Variants in FADS2 observed in about 807,000 individuals in gnomAD.
FADS2 encodes acyl-CoA 6-desaturase.
A neutral mutation model predicts 61.2 loss-of-function variants in FADS2; 18 were observed. The ratio of observed to expected loss-of-function variants is 0.29; its 90% CI spans 0.20 to 0.44. The LOEUF is 0.44. FADS2 is among the 20% of genes least tolerant of loss of function. The pLI is 1.00. For synonymous variants in FADS2, 203 were observed against 223.9 expected (o/e 0.91, Z 0.83); for missense variants, 322 against 572.7 (o/e 0.56, Z 4.47).
chr11:61,824,495 A>AG, upstream of FADS2, among the ~76,000 whole-genome samples: 1 of 8,842 alleles, frequency 1.1e-4, no homozygotes, highest in Non-Finnish European at 8.5e-4. Flanking sequence ...AGAGAGAAAG[A>AG]AAGAAAGGAA....
At chr11:61,819,116 T>G (rs1004370015) in intron 1 of FADS2, among the ~76,000 whole-genome samples, 1 of 152,096 alleles carries the variant, frequency 6.6e-6, no homozygotes, top group Non-Finnish European at 1.5e-5. Flanking sequence ...CCTCGTGATC[T>G]GCCCGCCTCG....
chr11:61,847,885 C>T (rs746562108), intron 4 of FADS2: 14 of 411,280 alleles, frequency 3.4e-5, no homozygotes, highest in Admixed American at 7.1e-5. Context: ...GAGCGCTCAC[C>T]GTGTGGTCCC....
At chr11:61,853,024 A>G (rs1031070111) in intron 5 of FADS2, among the ~76,000 whole-genome samples, 4 of 152,110 alleles carry the variant, frequency 2.6e-5, no homozygotes, top group African/African-American at 4.8e-5. Flanking sequence ...GCATGGTGGC[A>G]CACGCCTGTA....
intron 7 of FADS2, 57 bp from the exon 8 acceptor site, chr11:61,862,915 C>T: frequency 2.1e-6 from 3 of 1,421,440 alleles, no homozygotes; most frequent in Non-Finnish European, 3.0e-6. Flanking sequence ...GGGGCACGCA[C>T]TTGGTGCCAG....
upstream of FADS2, among the ~76,000 whole-genome samples, chr11:61,825,069 G>C (rs886609528): frequency 2.6e-5 from 4 of 151,616 alleles, no homozygotes; most frequent in African/African-American, 9.7e-5. Context: ...CACCCACCAC[G>C]GCCTCCTAAA....
In FADS2 at chr11:61,816,876, C is replaced by T. The variant is rs747092937; in HGVS notation, c.141+450C>T. On this transcript the variant is annotated intron_variant, in intron 1 of 11. Transcript: ENST00000257261. This position sits in a 1 kb window ranked among gnomAD's most constrained non-coding sequence, Gnocchi z 7.0. ...CGCCCAGAGCCAGCCGCCTGCGCGC[C>T]GGGTTTTCAGCACCGCAGGGCAGAC... The T allele has an allele frequency of 2.2e-5, 32 of 1,476,878 alleles. 1 individual carries two copies. In the South Asian group the frequency reaches 2.3e-4, roughly 11 times the overall value. The allele number at this position is 1,476,878 out of a possible 1,614,324, so 91.5% of individuals were successfully genotyped here.
chr11:61,818,465 T>G (rs528965694), intron 1 of FADS2, among the ~76,000 whole-genome samples: 12 of 152,312 alleles, frequency 7.9e-5, no homozygotes, highest in African/African-American at 2.6e-4. Flanking sequence ...ATCAAGCAGT[T>G]TCACTCTTGG....
In FADS2 at chr11:61,865,793, C is replaced by A; in HGVS notation, c.*104C>A. On this transcript the variant is annotated 3_prime_UTR_variant, in exon 12 of 12. Coordinates refer to ENST00000278840, the MANE Select transcript of FADS2 (RefSeq NM_004265.4). The surrounding 1 kb of genome is among the most constrained non-coding windows in gnomAD (Gnocchi z 4.1). Reference sequence around the variant, plus strand: ...GGGGTGTCCGAGAGGCTGGTGTATGCACTGCTCACGGACCCCATGTTGGAT... The same window carrying A: ...GGGGTGTCCGAGAGGCTGGTGTATGAACTGCTCACGGACCCCATGTTGGAT... 2.1e-6 allele frequency: 2 copies of A among 937,602 alleles called. No individual in the cohort carries two copies. The highest frequency in any genetic ancestry group is 1.4e-5 in the South Asian group (1 of 69,338). The allele number at this position is 937,602 out of a possible 1,614,324, so 58.1% of individuals were successfully genotyped here.
At chr11:61,840,815 T>C (rs1453420507) in intron 4 of FADS2, 90 bp downstream of exon 4, 2 of 1,001,134 alleles carry the variant, frequency 2.0e-6, no homozygotes, top group East Asian at 4.8e-5. Flanking sequence ...GCTCTGAGGC[T>C]ACAGGGTGAC....
intron 5 of FADS2, chr11:61,848,606 T>A: frequency 3.5e-6 from 1 of 282,554 alleles, no homozygotes; most frequent in Non-Finnish European, 6.8e-6. Flanking sequence ...CAGACACAGC[T>A]CCTCATTAGA....
chr11:61,825,280 C>G (rs1363586895), upstream of FADS2, among the ~76,000 whole-genome samples: 3 of 152,156 alleles, frequency 2.0e-5, no homozygotes, highest in African/African-American at 7.2e-5. Flanking sequence ...ACCATCACCC[C>G]TGCCCCTGTA....
chr11:61,838,306 C>G (rs995357382), intron 2 of FADS2, among the ~76,000 whole-genome samples: 4 of 152,070 alleles, frequency 2.6e-5, no homozygotes, highest in African/African-American at 9.7e-5. Flanking sequence ...CAGACGCCCC[C>G]CTGGGTGCTG....
chr11:61,824,425 A>G (rs2067055913), upstream of FADS2, among the ~76,000 whole-genome samples: 1 of 11,486 alleles, frequency 8.7e-5, no homozygotes, highest in African/African-American at 1.7e-4. Context: ...AGAGAGAGAG[A>G]GAGAGAGAGG....
chr11:61,857,140 C>T, intron 6 of FADS2, 69 bp downstream of exon 6: 3 of 1,279,394 alleles, frequency 2.3e-6, no homozygotes, highest in Non-Finnish European at 3.4e-6. Context: ...GTCTCTCCCT[C>T]CTACCTGACA....
upstream of FADS2, among the ~76,000 whole-genome samples, chr11:61,824,240 G>C (rs964873078): frequency 7.3e-5 from 11 of 151,674 alleles, no homozygotes; most frequent in African/African-American, 1.9e-4. Flanking sequence ...AATTAGCTGG[G>C]TGTGGTGGCA....
At chr11:61,845,784 CA>C (rs548433908) in intron 4 of FADS2, among the ~76,000 whole-genome samples, 2,802 of 84,074 alleles carry the variant, frequency 0.033, 58 homozygotes, top group African/African-American at 0.079. Flanking sequence ...AACTCTGTCT[CA>C]AAAAAAAAAA....
chr11:61,840,345 T>C lies in FADS2; in HGVS notation c.330T>C (p.Thr110=), dbSNP rs147545791. Residue 110 remains threonine, a synonymous_variant, in exon 3 of 12, where the codon ACT becomes ACC. Coordinates refer to ENST00000278840, the MANE Select transcript of FADS2 (RefSeq NM_004265.4). ...SQDHGKNSKI[T]EDFRALRKTA... ...CTCTTGGTCAACAGTCAAAGATCAC[T>C]GAGGACTTCCGGGCCCTGAGGAAGA... 1.9e-5 allele frequency: 30 copies of C among 1,614,100 alleles called. No homozygotes were observed. Among genetic ancestry groups the C allele is most frequent in the African/African-American group, 1.2e-4 (9 of 75,044 alleles).
chr11:61,845,540 C>T (rs1398930633), intron 4 of FADS2, among the ~76,000 whole-genome samples: 1 of 152,074 alleles, frequency 6.6e-6, no homozygotes, highest in Non-Finnish European at 1.5e-5. Flanking sequence ...TGCCTGTAAT[C>T]CCAGCACTTT....
intron 1 of FADS2, among the ~76,000 whole-genome samples, chr11:61,821,961 C>T (rs1044450886): frequency 1.3e-5 from 2 of 151,604 alleles, no homozygotes; most frequent in South Asian, 4.2e-4. Context: ...CACGGGATTT[C>T]CTTAATGCAG....
Sources: gnomAD v4.1 joint callset for allele counts (sites outside exome capture counted in the v4.1 genomes callset) on GRCh38, gnomAD v4.1.1 for gene constraint, Gnocchi (gnomAD v3.1) non-coding constraint, MANE v1.5 for transcripts, NCBI Gene and HGNC (gene_info 2026-07-23, HGNC 2026-07-21) for gene names.